Variants in DBX2 observed in about 807,000 individuals in gnomAD.
DBX2 encodes homeobox protein DBX2.
A neutral mutation model predicts 17.7 loss-of-function variants in DBX2; 16 were observed. That is an observed-to-expected ratio of 0.90 (90% CI 0.61 to 1.37). The LOEUF is 1.37. Among genes scored for constraint, DBX2 ranks in the 40% most tolerant of loss-of-function variants. The probability of loss-of-function intolerance (pLI) is 0.00; values close to 1 mark genes in which losing one functional copy is unlikely to be tolerated. For missense variants in DBX2, 538 were observed against 433.8 expected (o/e 1.24, Z -2.13); for synonymous variants, 255 against 183.8 (o/e 1.39, Z -3.13).
chr12:45,022,302 T>TTG (rs1390632362), intron 3 of DBX2, among the ~76,000 whole-genome samples: 1 of 134,470 alleles, frequency 7.4e-6, no homozygotes, highest in Non-Finnish European at 1.6e-5. Flanking sequence ...ATAACTGTTT[T>TTG]TTTTTTTTTT....
chr12:45,050,898 G>C lies in DBX2; in HGVS notation c.30C>G (p.Ala10=). ...AAGCCACAACGTCCCAGTACGCACC[G>C]GCGTGGGCTGCGACCGCGCTGGGGA... The part of the protein sequence containing the change: MLPSAVAAH[A]GAYWDVVASS... Residue 10 remains alanine (A), a synonymous_variant, in exon 1 of 4, where the codon GCC becomes GCG. Transcript: ENST00000332700. 1 of 1,514,334 alleles carries C rather than the reference G, an allele frequency of 6.6e-7. No individual in the cohort carries two copies. The highest frequency in any genetic ancestry group is 8.8e-7 in the Non-Finnish European group (1 of 1,133,344). The allele number at this position is 1,514,334 out of a possible 1,614,324, so 93.8% of individuals were successfully genotyped here. A position where few individuals can be genotyped will look rare whatever the true frequency, so the allele number is the denominator to read the frequency against.
intron 2 of DBX2, among the ~76,000 whole-genome samples, chr12:45,026,135 G>A (rs2137021614): frequency 6.6e-6 from 1 of 152,278 alleles, no homozygotes; most frequent in Admixed American, 6.5e-5. Flanking sequence ...ACCACACTGG[G>A]CTCAGAGTGA....
intron 2 of DBX2, among the ~76,000 whole-genome samples, chr12:45,025,014 T>A (rs1005668311): frequency 1.3e-5 from 2 of 152,226 alleles, no homozygotes; most frequent in African/African-American, 4.8e-5. Flanking sequence ...ATTCACTCAT[T>A]CTGCTTCCCA....
chr12:45,028,944 C>A (rs1946395239), intron 2 of DBX2, among the ~76,000 whole-genome samples: 1 of 152,222 alleles, frequency 6.6e-6, no homozygotes, highest in African/African-American at 2.4e-5. Flanking sequence ...GCTGCTATTA[C>A]TAAACCACCA....
At chr12:45,027,851 A>C (rs1432834323) in intron 2 of DBX2, among the ~76,000 whole-genome samples, 1 of 152,224 alleles carries the variant, frequency 6.6e-6, no homozygotes, top group Non-Finnish European at 1.5e-5. Flanking sequence ...GTTGAGTGAT[A>C]ATCAAAGATG....
intron 1 of DBX2, among the ~76,000 whole-genome samples, chr12:45,036,827 A>G (rs1946443639): frequency 6.6e-6 from 1 of 152,196 alleles, no homozygotes; most frequent in Non-Finnish European, 1.5e-5. Flanking sequence ...TTTGAGAATA[A>G]TCCCATTTTA....
In DBX2 at chr12:45,023,883, TG is replaced by T; in HGVS notation, c.510del (p.Ser170ArgfsTer6). ...GAGTCCTGTGTCAGGAGAGGCAGCA[TG>T]CTCTCTTCTCCTAGAGTCGAGGGAA... ...ASSTAFPREE[S>X]MLPLLTQDSN... On this transcript the variant is annotated frameshift_variant, in exon 3 of 4. Transcript: ENST00000332700. LOFTEE classifies it high-confidence loss of function. The T allele has an allele frequency of 1.3e-6, 2 of 1,562,284 alleles. No homozygotes were observed. Among genetic ancestry groups the T allele is most frequent in the Non-Finnish European group, 1.7e-6 (2 of 1,160,442 alleles).
Position 45,016,098 on chromosome 12 carries a change from C to T in DBX2, c.*188G>A. 1.9e-6 allele frequency: 1 copy of T among 519,928 alleles called. No individual in the cohort carries two copies. The allele number at this position is 519,928 out of a possible 1,614,324, so 32.2% of individuals were successfully genotyped here. A position where few individuals can be genotyped will look rare whatever the true frequency, so the allele number is the denominator to read the frequency against. ...ATACTTGCTGGGAGATTCTATTCCA[C>T]TTACAAATTAAGCCTGAGTCTAGGG... On this transcript the variant is annotated 3_prime_UTR_variant, in exon 4 of 4. Coordinates refer to ENST00000332700, the MANE Select transcript of DBX2 (RefSeq NM_001004329.3).
Position 45,050,853 on chromosome 12 carries a change from G to C in DBX2, c.75C>G (p.Leu25=). ...DVVASSALLN[L]PAAPGFGNLG... ...GGTTGCCAAAGCCGGGCGCAGCGGG[G>C]AGGTTGAGGAGCGCGGAGGAAGCCA... is the stretch of plus-strand genomic sequence containing the variant. The change falls in exon 1 of 4, where the codon CTC becomes CTG. Residue 25 remains leucine, a synonymous_variant. Coordinates refer to ENST00000332700, the MANE Select transcript of DBX2 (RefSeq NM_001004329.3). The C allele has an allele frequency of 6.5e-7, 1 of 1,538,118 alleles. No homozygotes were observed. The highest frequency in any genetic ancestry group is 8.7e-7 in the Non-Finnish European group (1 of 1,145,392).
chr12:45,023,948 G>A (rs1293373661), intron 2 of DBX2, 54 bp from the exon 3 acceptor site: 1 of 1,482,734 alleles, frequency 6.7e-7, no homozygotes, highest in Non-Finnish European at 9.0e-7. Flanking sequence ...AAAGAAGTCA[G>A]TCTTTCCTAG....
At chr12:45,041,053 A>C (rs1315559154) in intron 1 of DBX2, among the ~76,000 whole-genome samples, 1 of 149,718 alleles carries the variant, frequency 6.7e-6, no homozygotes, top group Non-Finnish European at 1.5e-5. Flanking sequence ...GGGGAAGAAA[A>C]AAAAAAAAAC....
rs1307986133 is a variant in DBX2, at chr12:45,050,544, G to T, written c.384C>A (p.Thr128=). The T allele has an allele frequency of 6.4e-7, 1 of 1,552,810 alleles. No homozygotes were observed. The highest frequency in any genetic ancestry group is 8.7e-7 in the Non-Finnish European group (1 of 1,149,154). ...GCTCACCTGGCGCTGAAGGCTGGAAGGTACAGTCTCGGTCCCCCGGAGCCC... is the reference window on the plus strand; with the variant it reads ...GCTCACCTGGCGCTGAAGGCTGGAATGTACAGTCTCGGTCCCCCGGAGCCC... ...PGRAPGDRDC[T]FQPSAPAPSK... Residue 128 remains threonine (T), a synonymous_variant, in exon 1 of 4, where the codon ACC becomes ACA. Coordinates refer to ENST00000332700, the MANE Select transcript of DBX2 (RefSeq NM_001004329.3).
chr12:45,019,916 A>C (rs1016940590), intron 3 of DBX2, among the ~76,000 whole-genome samples: 3 of 152,158 alleles, frequency 2.0e-5, no homozygotes, highest in African/African-American at 7.2e-5. Flanking sequence ...ACAGCAAGGA[A>C]TACGCATGAG....
At position 45,015,741 on chromosome 12, in the gene DBX2, G is replaced by A. The variant is rs1263518379; in HGVS notation, c.*545C>T. The A allele has an allele frequency of 6.6e-6, 1 of 152,142 alleles. No homozygotes were observed. The allele number at this position is 152,142 out of a possible 1,614,324, so 9.4% of individuals were successfully genotyped here. A position where few individuals can be genotyped will look rare whatever the true frequency, so the allele number is the denominator to read the frequency against. The stretch of plus-strand genomic sequence containing the variant: ...TGGCTCATTTGTTGAGGACTGCTGA[G>A]CTAAGGTGTTAAAATTCACTTACAG... On this transcript the variant is annotated 3_prime_UTR_variant, in exon 4 of 4. Transcript: ENST00000332700.
chr12:45,035,534 T>C lies in DBX2; in HGVS notation c.499+485A>G, dbSNP rs529457577. Among the ~76,000 whole-genome samples, 3 of 152,318 alleles carry C rather than the reference T, an allele frequency of 2.0e-5. No individual in the cohort carries two copies. In the East Asian group the frequency reaches 5.8e-4, roughly 29 times the overall value. On this transcript the variant is annotated intron_variant, in intron 2 of 3. Transcript: ENST00000332700. ...TTGAAAATATTTCCAACAGTTCTGG[T>C]TGGTTACCTTCAAGATGCCAAAAAG...
chr12:45,044,611 T>G (rs898400902), intron 1 of DBX2, among the ~76,000 whole-genome samples: 1 of 152,146 alleles, frequency 6.6e-6, no homozygotes, highest in Admixed American at 6.6e-5. Flanking sequence ...GGCATTAAAA[T>G]AGTCAGCAAT....
chr12:45,047,478 T>A (rs1478304401), intron 1 of DBX2, among the ~76,000 whole-genome samples: 1 of 152,110 alleles, frequency 6.6e-6, no homozygotes, highest in Non-Finnish European at 1.5e-5. Context: ...CTTGACAACA[T>A]ATAGCTATGG....
At chr12:45,023,631 C>CCCT (rs1946364880) in intron 3 of DBX2, 76 bp downstream of exon 3, 1 of 1,566,254 alleles carries the variant, frequency 6.4e-7, no homozygotes, top group Non-Finnish European at 8.7e-7. Context: ...CTACGGCCCA[C>CCCT]CACCCTGAAC....
intron 1 of DBX2, among the ~76,000 whole-genome samples, chr12:45,039,246 T>C (rs1286127540): frequency 2.2e-5 from 3 of 137,550 alleles, no homozygotes; most frequent in Non-Finnish European, 4.6e-5. Context: ...CCTTAAGAAA[T>C]CACCATTTAA....
Sources: allele counts gnomAD v4.1 joint callset (sites outside exome capture counted in the v4.1 genomes callset), GRCh38; gene constraint gnomAD v4.1.1; transcripts MANE v1.5; gene names NCBI Gene and HGNC (gene_info 2026-07-23, HGNC 2026-07-21).